The following PRELID2 variants were observed in gnomAD, a reference collection of about 807,000 sequenced individuals.
PRELID2 encodes PRELI domain containing 2, also known as PRELI domain-containing protein 2.
Under a neutral mutation model 28.4 loss-of-function variants are expected in PRELID2, and 25 were observed. That is an observed-to-expected ratio of 0.88 (90% CI 0.64 to 1.23). PRELID2 has a LOEUF of 1.23. PRELID2 is among the 50% of genes most tolerant of loss of function. The probability of loss-of-function intolerance (pLI) is 0.00; values close to 1 mark genes in which losing one functional copy is unlikely to be tolerated. For synonymous variants in PRELID2, 76 were observed against 71.6 expected (o/e 1.06, Z -0.31); for missense variants, 201 against 214.4 (o/e 0.94, Z 0.39).
chr5:145,251,291 G>T, the PRELID2 span, among the ~76,000 whole-genome samples: 2 of 152,110 alleles, frequency 1.3e-5, no homozygotes, highest in Admixed American at 1.3e-4. Flanking sequence ...TTTCCCACTT[G>T]TGACCTCAAT....
intron 1 of PRELID2, among the ~76,000 whole-genome samples, chr5:145,710,274 T>C (rs1755658735): frequency 6.6e-6 from 1 of 152,212 alleles, no homozygotes; most frequent in Non-Finnish European, 1.5e-5. Context: ...GTACTACTTA[T>C]GTTTCTATAA....
intron 5 of PRELID2, among the ~76,000 whole-genome samples, chr5:145,770,993 T>C (rs1053586969): frequency 6.6e-5 from 10 of 152,212 alleles, no homozygotes; most frequent in Non-Finnish European, 1.5e-5. Context: ...TTTATAAATC[T>C]GTAGTAATGC....
the PRELID2 span, among the ~76,000 whole-genome samples, chr5:145,318,088 C>G: frequency 6.6e-6 from 1 of 152,086 alleles, no homozygotes; most frequent in East Asian, 1.9e-4. Flanking sequence ...CTTATATTAT[C>G]CTCAAATTTA....
the PRELID2 span, among the ~76,000 whole-genome samples, chr5:145,286,624 C>G: frequency 1.3e-5 from 2 of 152,010 alleles, no homozygotes; most frequent in African/African-American, 4.8e-5. Flanking sequence ...TCTTTAAGTG[C>G]TCTAAACCAC....
intron 5 of PRELID2, among the ~76,000 whole-genome samples, chr5:145,766,564 C>T (rs910918633): frequency 6.6e-6 from 1 of 152,156 alleles, no homozygotes; most frequent in African/African-American, 2.4e-5. Context: ...TCAGATTCTG[C>T]CTGGCCATCA....
intron 5 of PRELID2, among the ~76,000 whole-genome samples, chr5:145,781,667 T>C (rs1192181903): frequency 1.4e-5 from 2 of 147,082 alleles, no homozygotes; most frequent in Non-Finnish European, 3.0e-5. Context: ...ACACACTATA[T>C]ATATACACTT....
At chr5:145,803,429 T>A (rs561394674) in intron 4 of PRELID2, among the ~76,000 whole-genome samples, 1 of 152,114 alleles carries the variant, frequency 6.6e-6, no homozygotes, top group South Asian at 2.1e-4. Context: ...TATATATACA[T>A]ATACATGCCT....
chr5:145,342,643 T>C, the PRELID2 span, among the ~76,000 whole-genome samples: 3 of 151,996 alleles, frequency 2.0e-5, no homozygotes, highest in Non-Finnish European at 4.4e-5. Context: ...ATCTGAGATT[T>C]AAAAAATTTC....
intron 5 of PRELID2, among the ~76,000 whole-genome samples, chr5:145,788,141 T>G (rs1752125663): frequency 6.6e-6 from 1 of 152,150 alleles, no homozygotes; most frequent in East Asian, 1.9e-4. Flanking sequence ...CTTCACACAG[T>G]GGTTGGGCCA....
chr5:145,618,225 T>C (rs1242636170), intron 1 of PRELID2, among the ~76,000 whole-genome samples: 1 of 152,182 alleles, frequency 6.6e-6, no homozygotes, highest in Non-Finnish European at 1.5e-5. Context: ...GCTGGTGAAC[T>C]AGTGTGATTT....
At chr5:145,380,631 T>C in the PRELID2 span, among the ~76,000 whole-genome samples, 1 of 152,250 alleles carries the variant, frequency 6.6e-6, no homozygotes, top group Admixed American at 6.5e-5. Flanking sequence ...TTACAGAATA[T>C]TGTTTTTATT....
intron 1 of PRELID2, among the ~76,000 whole-genome samples, chr5:145,496,793 G>A (rs1752313795): frequency 6.6e-6 from 1 of 151,696 alleles, no homozygotes; most frequent in Non-Finnish European, 1.5e-5. Flanking sequence ...CTCCCCCTTG[G>A]TCCTTCATAG....
At chr5:145,436,917 G>A in the PRELID2 span, 1 of 152,134 alleles carries the variant, frequency 6.6e-6, no homozygotes, top group African/African-American at 2.4e-5. Flanking sequence ...GCTGAATCAA[G>A]GTCTCCCGTT....
At chr5:145,324,933 A>G in the PRELID2 span, among the ~76,000 whole-genome samples, 534 of 152,300 alleles carry the variant, frequency 3.5e-3, 7 homozygotes, top group African/African-American at 0.012. Flanking sequence ...GTTTCATTCA[A>G]TACACTGAGA....
At chr5:145,261,766 A>G in the PRELID2 span, among the ~76,000 whole-genome samples, 3 of 152,200 alleles carry the variant, frequency 2.0e-5, no homozygotes, top group African/African-American at 7.2e-5. Flanking sequence ...CAATTCTGGT[A>G]CTATGACAAC....
chr5:145,751,909 G>A (rs1476592976), downstream of PRELID2, among the ~76,000 whole-genome samples: 1 of 152,180 alleles, frequency 6.6e-6, no homozygotes, highest in East Asian at 1.9e-4. Flanking sequence ...TTGAACCCAG[G>A]AAGCAGAGGT....
intron 1 of PRELID2, among the ~76,000 whole-genome samples, chr5:145,488,532 C>T (rs964737206): frequency 1.3e-5 from 2 of 152,084 alleles, no homozygotes; most frequent in Non-Finnish European, 2.9e-5. Context: ...ATAACAACTT[C>T]CTATTATGAG....
At position 145,760,368 on chromosome 5, in the gene PRELID2, T is replaced by C. The variant is rs1414866482; in HGVS notation, c.*168A>G. On this transcript the variant is annotated 3_prime_UTR_variant, in exon 7 of 7. Transcript: ENST00000683046. ...AGCAGGCTCCCAGAGGAGGGTATCA[T>C]TTTATGTCCTGGCAAGAAGGTCTTC... 6.6e-6 allele frequency: 1 copy of C among 152,136 alleles called. No homozygotes were observed. The highest frequency in any genetic ancestry group is 6.6e-5 in the Admixed American group (1 of 15,262). The allele number at this position is 152,136 out of a possible 1,614,324, so 9.4% of individuals were successfully genotyped here. A position where few individuals can be genotyped will look rare whatever the true frequency, so the allele number is the denominator to read the frequency against.
intron 1 of PRELID2, among the ~76,000 whole-genome samples, chr5:145,484,210 TC>T (rs1363941481): frequency 1.4e-4 from 22 of 152,208 alleles, no homozygotes; most frequent in African/African-American, 5.1e-4. Context: ...TTTAATTTTA[TC>T]CTTAGTGCCT....
Sources: gnomAD v4.1 joint callset for allele counts (sites outside exome capture counted in the v4.1 genomes callset) on GRCh38, gnomAD v4.1.1 for gene constraint, MANE v1.5 for transcripts, NCBI Gene and HGNC (gene_info 2026-07-23, HGNC 2026-07-21) for gene names.